The following ANKRD44 variants were observed in gnomAD, a reference collection of about 807,000 sequenced individuals.
ANKRD44 encodes ankyrin repeat domain 44, also known as serine/threonine-protein phosphatase 6 regulatory ankyrin repeat subunit B.
ANKRD44 carries 35 observed loss-of-function variants against 116.0 expected under a neutral mutation model. The observed-to-expected ratio is 0.30, with a 90% CI of 0.23 to 0.40. The LOEUF (loss-of-function observed/expected upper bound fraction) is 0.40. ANKRD44 is among the 10% of genes least tolerant of loss of function. ANKRD44 has a pLI of 1.00. For synonymous variants in ANKRD44, 435 were observed against 461.8 expected, an observed-to-expected ratio of 0.94 and a Z score of 0.74; for missense variants, 1,014 against 1,242.6, an observed-to-expected ratio of 0.82 and a Z score of 2.77.
At chr2:197,095,238 T>C (rs996508713) in intron 10 of ANKRD44, among the ~76,000 whole-genome samples, 1 of 152,246 alleles carries the variant, frequency 6.6e-6, no homozygotes, top group South Asian at 2.1e-4. Flanking sequence ...CACATACCTC[T>C]GCCTAATTTC....
intron 1 of ANKRD44, chr2:197,296,537 ACAGT>A (rs1056385862): frequency 6.6e-6 from 1 of 152,200 alleles, no homozygotes; most frequent in African/African-American, 2.4e-5. Context: ...TAAGAAACTA[ACAGT>A]CAATCTCCTT....
chr2:196,990,585 C>G, intron 27 of ANKRD44: 1 of 1,230,744 alleles, frequency 8.1e-7, no homozygotes, highest in Non-Finnish European at 1.0e-6. Flanking sequence ...AGCCCAGGCC[C>G]CAAATAATAC....
rs73051391 is a variant in ANKRD44 at position 197,163,417 on chromosome 2, A to G, written c.112-16312T>C. Among the ~76,000 whole-genome samples, 1,507 of 152,334 alleles carry G rather than the reference A, an allele frequency of 9.9e-3. 27 individuals are homozygous for G. Among genetic ancestry groups the G allele is most frequent in the African/African-American group, 0.035 (1,446 of 41,566 alleles). On this transcript the variant is annotated intron_variant, in intron 2 of 27. Transcript: ENST00000282272. ...CACAGTGCCAGTTCCTGGGAGGCCA[A>G]GTGGCTTGTTGAATAGGAAACCAGC...
At chr2:197,263,274 C>T in intron 1 of ANKRD44, 1 of 600,744 alleles carries the variant, frequency 1.7e-6, no homozygotes, top group Non-Finnish European at 3.1e-6. Context: ...TCACTTGTCC[C>T]TGGCCGCAGC....
intron 16 of ANKRD44, among the ~76,000 whole-genome samples, chr2:197,036,474 G>C (rs770244431): frequency 4.6e-5 from 7 of 152,124 alleles, no homozygotes; most frequent in Non-Finnish European, 7.4e-5. Flanking sequence ...GGCCAGGCTG[G>C]TCTCGAACTC....
rs766031891 is a variant in ANKRD44, at chr2:197,081,659, T to C, written c.1524A>G (p.Glu508=). The part of the protein sequence containing the change: ...EELERARELK[E]KEATLCLEFL... Reference sequence around the variant, plus strand: ...AAGAAACTTACAGTGTGGCTTCCTTTTCCTTCAGCTCCCTGGCTCTTTCAA... The same window carrying C: ...AAGAAACTTACAGTGTGGCTTCCTTCTCCTTCAGCTCCCTGGCTCTTTCAA... Residue 508 remains glutamate (E), a synonymous_variant, in exon 15 of 28, where the codon GAA becomes GAG. Coordinates refer to ENST00000282272, the MANE Select transcript of ANKRD44 (RefSeq NM_001195144.2). 1 of 1,613,924 alleles carries C rather than the reference T, an allele frequency of 6.2e-7. No homozygotes were observed. The highest frequency in any genetic ancestry group is 1.1e-5 in the South Asian group (1 of 91,062).
At chr2:197,119,431 T>C (rs1178008992) in intron 8 of ANKRD44, among the ~76,000 whole-genome samples, 2 of 152,272 alleles carry the variant, frequency 1.3e-5, no homozygotes, top group African/African-American at 2.4e-5. Flanking sequence ...AAAAGCTTTT[T>C]ACAGACAGGA....
intron 1 of ANKRD44, among the ~76,000 whole-genome samples, chr2:197,309,784 C>T (rs1029208438): frequency 6.6e-6 from 1 of 152,152 alleles, no homozygotes; most frequent in Non-Finnish European, 1.5e-5. Context: ...GCAGAGTCCG[C>T]GAAGGTGGCT....
At chr2:197,244,057 T>C (rs1352766229) in intron 1 of ANKRD44, among the ~76,000 whole-genome samples, 2 of 152,190 alleles carry the variant, frequency 1.3e-5, no homozygotes, top group Non-Finnish European at 2.9e-5. Context: ...CGAACACTCA[T>C]CGCTGTCATC....
chr2:197,169,178 C>A (rs575162357), intron 2 of ANKRD44, among the ~76,000 whole-genome samples: 47 of 152,276 alleles, frequency 3.1e-4, no homozygotes, highest in South Asian at 2.7e-3. Context: ...CTCCTTGGGG[C>A]CTTTGCTCCT....
chr2:197,152,600 C>G (rs900348498), intron 2 of ANKRD44, among the ~76,000 whole-genome samples: 3 of 152,154 alleles, frequency 2.0e-5, no homozygotes, highest in Non-Finnish European at 2.9e-5. Context: ...GTTGAGCTGT[C>G]TGTTTACCAA....
chr2:197,215,967 G>A (rs2081433189), intron 1 of ANKRD44, among the ~76,000 whole-genome samples: 1 of 152,090 alleles, frequency 6.6e-6, no homozygotes, highest in Admixed American at 6.5e-5. Context: ...GCAGCATCTG[G>A]CAGTTCTCTT....
rs1569153 is a variant in ANKRD44 at position 197,164,271 on chromosome 2, G to A, written c.112-17166C>T. ...CCTCTGACACCGCCGGCTGCGTCTG[G>A]GTAGCAAGACCCCTTGGTGCCTGCG... On this transcript the variant is annotated intron_variant, in intron 2 of 27. Coordinates refer to ENST00000282272, the MANE Select transcript of ANKRD44 (RefSeq NM_001195144.2). Among the ~76,000 whole-genome samples, 1,347 of 152,304 alleles carry A rather than the reference G, an allele frequency of 8.8e-3. 24 individuals carry two copies. The highest frequency in any genetic ancestry group is 0.031 in the African/African-American group (1,284 of 41,568).
intron 9 of ANKRD44, 84 bp downstream of exon 9, chr2:197,110,682 C>A: frequency 1.8e-6 from 2 of 1,111,142 alleles, no homozygotes; most frequent in Non-Finnish European, 2.8e-6. Context: ...AACAGGGCAT[C>A]GACTTTCATA....
chr2:196,975,212 G>A (rs947915489), intron 21 of ANKRD44, among the ~76,000 whole-genome samples: 2 of 152,164 alleles, frequency 1.3e-5, no homozygotes, highest in African/African-American at 4.8e-5. Context: ...GATCATCTGT[G>A]TGAATAGACA....
At chr2:197,119,642 G>A (rs1341221142) in intron 8 of ANKRD44, among the ~76,000 whole-genome samples, 2 of 152,142 alleles carry the variant, frequency 1.3e-5, no homozygotes, top group Non-Finnish European at 2.9e-5. Flanking sequence ...AAAAATATAA[G>A]ATTTTAATAG....
At chr2:197,065,688 T>C (rs1288215920) in intron 16 of ANKRD44, among the ~76,000 whole-genome samples, 1 of 152,092 alleles carries the variant, frequency 6.6e-6, no homozygotes, top group African/African-American at 2.4e-5. Context: ...GCAAATAAAC[T>C]AGAAAATCTA....
chr2:197,161,230 G>A lies in ANKRD44; in HGVS notation c.112-14125C>T, dbSNP rs138308092. 2.0e-5 allele frequency among the ~76,000 whole-genome samples: 3 copies of A among 152,056 alleles called. No individual in the cohort carries two copies. In the East Asian group the frequency reaches 5.8e-4, roughly 29 times the overall value. On this transcript the variant is annotated intron_variant, in intron 2 of 27. Coordinates refer to ENST00000282272, the MANE Select transcript of ANKRD44 (RefSeq NM_001195144.2). ...AGATGGCTACGTAACAGCACTTTTC[G>A]AAGATAAGGCATATGGGAGATGCAT...
chr2:197,038,111 A>G (rs73049652), intron 16 of ANKRD44, among the ~76,000 whole-genome samples: 6,310 of 152,206 alleles, frequency 0.041, 411 homozygotes, highest in African/African-American at 0.14. Context: ...AACCCACAGA[A>G]TGTATAACAC....
Sources: gnomAD v4.1 joint callset for allele counts (sites outside exome capture counted in the v4.1 genomes callset) on GRCh38, gnomAD v4.1.1 for gene constraint, MANE v1.5 for transcripts, NCBI Gene and HGNC (gene_info 2026-07-23, HGNC 2026-07-21) for gene names.